Variants in LMF1 observed in about 807,000 individuals in gnomAD.
LMF1 encodes the protein transmembrane protein 112.
Under a neutral mutation model 60.6 loss-of-function variants are expected in LMF1, and 68 were observed. That is an observed-to-expected ratio of 1.12 (90% confidence interval 0.92 to 1.37). The LOEUF is 1.37. LMF1 is among the 40% of genes most tolerant of loss of function. LMF1 has a pLI of 0.00. For synonymous variants in LMF1, 418 were observed against 324.7 expected, an observed-to-expected ratio of 1.29 and a Z score of -3.09; for missense variants, 948 against 767.2, an observed-to-expected ratio of 1.24 and a Z score of -2.78.
At chr16:877,529 G>A (rs192331550) in intron 6 of LMF1, among the ~76,000 whole-genome samples, 45 of 152,280 alleles carry the variant, frequency 3.0e-4, no homozygotes, top group Middle Eastern at 3.4e-3. Context: ...AATGTAACTC[G>A]CCACGTTACA....
intron 2 of LMF1, among the ~76,000 whole-genome samples, chr16:939,916 C>A (rs1375575752): frequency 6.6e-6 from 1 of 152,124 alleles, no homozygotes; most frequent in Non-Finnish European, 1.5e-5. Context: ...AATGCCTGCA[C>A]CCTGTCTTAT....
At chr16:915,946 C>T (rs1596986364) in intron 3 of LMF1, among the ~76,000 whole-genome samples, 1 of 152,092 alleles carries the variant, frequency 6.6e-6, no homozygotes, top group East Asian at 1.9e-4. Context: ...CAGGCGCTGC[C>T]TGGCCACCAG....
intron 2 of LMF1, among the ~76,000 whole-genome samples, chr16:950,555 T>C (rs1301959407): frequency 9.0e-5 from 8 of 88,818 alleles, no homozygotes; most frequent in South Asian, 4.7e-4. Context: ...AGTCAGCCAA[T>C]GACAGAGTCA....
intron 5 of LMF1, chr16:883,802 TGCATGACA>T (rs1433869186): frequency 6.6e-6 from 1 of 152,254 alleles, no homozygotes; most frequent in African/African-American, 2.4e-5. Flanking sequence ...CACATTTTAC[TGCATGACA>T]ATATGACACT....
chr16:925,986 C>G (rs116151539), intron 3 of LMF1, among the ~76,000 whole-genome samples: 1 of 151,158 alleles, frequency 6.6e-6, no homozygotes, highest in Non-Finnish European at 1.5e-5. Context: ...GATCTGCATA[C>G]GTGTCTGTAT....
chr16:929,095 A>G (rs915467844), intron 3 of LMF1, among the ~76,000 whole-genome samples: 1 of 152,046 alleles, frequency 6.6e-6, no homozygotes, highest in African/African-American at 2.4e-5. Context: ...GTCACATCTC[A>G]GCGGCCAGTG....
At chr16:979,909 C>T (rs1353536830) in intron 1 of LMF1, 2 of 375,254 alleles carry the variant, frequency 5.3e-6, no homozygotes, top group Non-Finnish European at 1.1e-5. Context: ...CTCTGAGGGC[C>T]ACGGAAGGAT....
chr16:981,234 T>C (rs2073349801), exon 1 of LMF1: 1 of 451,424 alleles, frequency 2.2e-6, no homozygotes, highest in Non-Finnish European at 4.4e-6. Context: ...AGGCAGCAGC[T>C]GACCCCGCGC....
intron 3 of LMF1, chr16:931,790 G>C (rs1321437102): frequency 7.8e-7 from 1 of 1,286,516 alleles, no homozygotes; most frequent in East Asian, 5.6e-5. Flanking sequence ...GACGTGCTGA[G>C]CCGCTGCAGG....
At chr16:883,552 G>C (rs1295448524) in intron 5 of LMF1, among the ~76,000 whole-genome samples, 1 of 152,220 alleles carries the variant, frequency 6.6e-6, no homozygotes, top group African/African-American at 2.4e-5. Flanking sequence ...AAGTCTTTCT[G>C]AGTCTTTGGG....
intron 10 of LMF1, among the ~76,000 whole-genome samples, chr16:866,137 G>C (rs958958177): frequency 9.2e-5 from 14 of 152,162 alleles, no homozygotes; most frequent in African/African-American, 3.1e-4. Context: ...TTTCACCAAT[G>C]TCTTCCTGTT....
Position 955,011 on chromosome 16 carries a change from G to A in LMF1, c.194-345C>T, listed in dbSNP as rs1484956743. 7.5e-3 allele frequency among the ~76,000 whole-genome samples: 1,117 copies of A among 148,078 alleles called. 2 individuals carry two copies. Among genetic ancestry groups the A allele is most frequent in the South Asian group, 0.013 (61 of 4,660 alleles). ...GACACGTTACATAAAATGCGTGCCTGCAGCAGATGCGGTGTGTGCATACAC... is the reference window on the plus strand; with the variant it reads ...GACACGTTACATAAAATGCGTGCCTACAGCAGATGCGGTGTGTGCATACAC... On this transcript the variant is annotated intron_variant, in intron 1 of 10. Coordinates refer to ENST00000262301, the MANE Select transcript of LMF1 (RefSeq NM_022773.4).
chr16:892,399 C>T (rs1188461143), intron 5 of LMF1, among the ~76,000 whole-genome samples: 1 of 152,220 alleles, frequency 6.6e-6, no homozygotes, highest in East Asian at 1.9e-4. Flanking sequence ...ATCCAAGCTC[C>T]AGGCCCCAGA....
chr16:914,394 C>T (rs2071209728), intron 3 of LMF1, among the ~76,000 whole-genome samples: 1 of 152,132 alleles, frequency 6.6e-6, no homozygotes, highest in East Asian at 1.9e-4. Context: ...CTGCAGGACA[C>T]AGACCGGATG....
chr16:963,988 C>T (rs2072870307), intron 1 of LMF1: 2 of 454,848 alleles, frequency 4.4e-6, no homozygotes, highest in South Asian at 3.1e-5. Context: ...CACTACCCCA[C>T]ACGGGAGGCA....
rs369298803 is a variant in LMF1 at position 952,965 on chromosome 16, A to ACACC, written c.503+1388_503+1391dup. 4.4e-3 allele frequency among the ~76,000 whole-genome samples: 275 copies of ACACC among 63,074 alleles called. 49 individuals carry two copies. The highest frequency in any genetic ancestry group is 0.013 in the African/African-American group (108 of 8,492). 41.4% of individuals were successfully genotyped at this position (63,074 alleles called of 152,430 possible). A position where few individuals can be genotyped will look rare whatever the true frequency, so the allele number is the denominator to read the frequency against. On this transcript the variant is annotated intron_variant, in intron 2 of 10. Coordinates refer to ENST00000262301, the MANE Select transcript of LMF1 (RefSeq NM_022773.4). ...ACCAGCCTCCTGCACGTCCACACAG[A>ACACC]CACCCCAAACCAGCCTCCTACATAT... is the stretch of plus-strand genomic sequence containing the variant.
At chr16:885,933 G>A (rs2070294255) in intron 5 of LMF1, among the ~76,000 whole-genome samples, 1 of 152,168 alleles carries the variant, frequency 6.6e-6, no homozygotes, top group Non-Finnish European at 1.5e-5. Flanking sequence ...CTTTCACTAA[G>A]ACAAACCATA....
At chr16:929,416 TGGG>T (rs1372243042) in intron 3 of LMF1, among the ~76,000 whole-genome samples, 1 of 152,004 alleles carries the variant, frequency 6.6e-6, no homozygotes, top group Non-Finnish European at 1.5e-5. Context: ...GGCCCACACT[TGGG>T]GGACGGTGCA....
chr16:981,341 A>AGTGTGTGT (rs2073364739), upstream of LMF1: 2 of 274,982 alleles, frequency 7.3e-6, no homozygotes, highest in African/African-American at 3.3e-5. Flanking sequence ...AGAGAGAGAG[A>AGTGTGTGT]GAGAGAGTGT....
Sources: allele counts gnomAD v4.1 joint callset (sites outside exome capture counted in the v4.1 genomes callset), GRCh38; gene constraint gnomAD v4.1.1; transcripts MANE v1.5; gene names NCBI Gene and HGNC (gene_info 2026-07-23, HGNC 2026-07-21).